The following OXR1 variants were observed in gnomAD, a reference collection of about 807,000 sequenced individuals.
The protein encoded by OXR1 is oxidation resistance protein 1.
OXR1 carries 41 observed loss-of-function variants against 104.6 expected under a neutral mutation model. The observed-to-expected ratio is 0.39, with a 90% CI of 0.31 to 0.51. The LOEUF (loss-of-function observed/expected upper bound fraction) is 0.51. Ranked by LOEUF, OXR1 falls within the 20% of genes least tolerant of loss-of-function variation. OXR1 has a pLI of 0.77. For missense variants in OXR1, 955 were observed against 1,031.9 expected, an observed-to-expected ratio of 0.93 and a Z score of 1.02; for synonymous variants, 348 against 348.4, an observed-to-expected ratio of 1.00 and a Z score of 0.01.
At chr8:106,566,698 T>C (rs1817100572) in intron 3 of OXR1, among the ~76,000 whole-genome samples, 1 of 152,134 alleles carries the variant, frequency 6.6e-6, no homozygotes, top group Admixed American at 6.5e-5. Context: ...CTATTCACAA[T>C]AGCAAACACT....
intron 3 of OXR1, among the ~76,000 whole-genome samples, chr8:106,590,754 A>G (rs1408382577): frequency 6.6e-6 from 1 of 152,200 alleles, no homozygotes; most frequent in Non-Finnish European, 1.5e-5. Flanking sequence ...TAGTAAATGC[A>G]AAAAGAACTT....
At chr8:106,456,742 C>A (rs776708302) in intron 2 of OXR1, among the ~76,000 whole-genome samples, 1 of 152,100 alleles carries the variant, frequency 6.6e-6, no homozygotes, top group African/African-American at 2.4e-5. Flanking sequence ...TCCCTCTGCC[C>A]AGCTCTTCTT....
chr8:106,299,135 G>A (rs1328819615), intron 1 of OXR1, among the ~76,000 whole-genome samples: 1 of 151,974 alleles, frequency 6.6e-6, no homozygotes, highest in Non-Finnish European at 1.5e-5. Flanking sequence ...ATCACTTTGT[G>A]TTCATCGCAG....
intron 7 of OXR1, among the ~76,000 whole-genome samples, chr8:106,693,304 T>G (rs1014772066): frequency 6.6e-6 from 1 of 152,064 alleles, no homozygotes; most frequent in Non-Finnish European, 1.5e-5. Context: ...AAAACAATCT[T>G]GTGAAATAGG....
At chr8:106,340,028 A>G (rs913563022) in intron 1 of OXR1, among the ~76,000 whole-genome samples, 4 of 152,104 alleles carry the variant, frequency 2.6e-5, no homozygotes, top group African/African-American at 9.7e-5. Flanking sequence ...ACAAAACACA[A>G]TTTTCTTAGC....
At chr8:106,450,836 C>T (rs1336045224) in intron 2 of OXR1, among the ~76,000 whole-genome samples, 8 of 151,894 alleles carry the variant, frequency 5.3e-5, no homozygotes, top group Admixed American at 6.6e-5. Context: ...TGCCTGTGCA[C>T]CTCAGAAAAG....
chr8:106,621,141 A>G (rs377341982), intron 3 of OXR1, among the ~76,000 whole-genome samples: 12 of 152,258 alleles, frequency 7.9e-5, no homozygotes, highest in African/African-American at 2.4e-4. Flanking sequence ...ATGCATGCCA[A>G]TCTCTGAGAG....
rs1815338943 is a variant in OXR1, at chr8:106,343,404, G to T, written c.-138-16072G>T. Among the ~76,000 whole-genome samples, 2 of 152,216 alleles carry T rather than the reference G, an allele frequency of 1.3e-5. 1 individual carries two copies. The highest frequency in any genetic ancestry group is 4.1e-4 in the South Asian group (2 of 4,820). The stretch of plus-strand genomic sequence containing the variant: ...TCTAGAGAATGGATCTAGGTTGAAT[G>T]ATGTCAACGGGAATTTGTTTCTCTT... On this transcript the variant is annotated intron_variant, in intron 1 of 16. Transcript: ENST00000517566.
chr8:106,377,210 G>T (rs1035037552), intron 2 of OXR1, among the ~76,000 whole-genome samples: 12 of 151,852 alleles, frequency 7.9e-5, no homozygotes, highest in African/African-American at 2.9e-4. Context: ...TTGAGACAGG[G>T]TTTCCCCCTC....
chr8:106,677,648 G>A (rs1333309688), intron 3 of OXR1, among the ~76,000 whole-genome samples: 1 of 152,002 alleles, frequency 6.6e-6, no homozygotes, highest in African/African-American at 2.4e-5. Flanking sequence ...CTTGTGAATT[G>A]TCTGATTATA....
chr8:106,349,071 G>A (rs1035721217), intron 1 of OXR1, among the ~76,000 whole-genome samples: 1 of 152,072 alleles, frequency 6.6e-6, no homozygotes, highest in Non-Finnish European at 1.5e-5. Context: ...TGTGTACCAG[G>A]AACACCAGTG....
intron 3 of OXR1, among the ~76,000 whole-genome samples, chr8:106,549,726 T>C (rs1483300521): frequency 6.6e-6 from 1 of 152,198 alleles, no homozygotes; most frequent in Non-Finnish European, 1.5e-5. Context: ...TGTATTCACA[T>C]ATGCAAGGGA....
chr8:106,467,382 G>A (rs1869307), intron 2 of OXR1, among the ~76,000 whole-genome samples: 12,040 of 151,734 alleles, frequency 0.079, 517 homozygotes, highest in Non-Finnish European at 0.088. Flanking sequence ...GGATTCATCG[G>A]GTCTCAAAGT....
chr8:106,556,704 C>G (rs1816310130), intron 3 of OXR1, among the ~76,000 whole-genome samples: 1 of 152,184 alleles, frequency 6.6e-6, no homozygotes, highest in Non-Finnish European at 1.5e-5. Flanking sequence ...CTCACTCCAG[C>G]AAAAGCTGAT....
intron 3 of OXR1, among the ~76,000 whole-genome samples, chr8:106,626,873 A>G (rs1008073595): frequency 6.6e-6 from 1 of 151,558 alleles, no homozygotes; most frequent in Non-Finnish European, 1.5e-5. Flanking sequence ...CATGATTTTA[A>G]TGTGCTCAAT....
intron 3 of OXR1, among the ~76,000 whole-genome samples, chr8:106,645,341 A>T (rs1002191983): frequency 6.6e-6 from 1 of 152,174 alleles, no homozygotes; most frequent in Non-Finnish European, 1.5e-5. Flanking sequence ...TGGTGGCTGT[A>T]TAGCCAGCTT....
At position 106,375,635 on chromosome 8, in the gene OXR1, A is replaced by G. The variant is rs79784156; in HGVS notation, c.23+15999A>G. 8.7e-3 allele frequency among the ~76,000 whole-genome samples: 1,323 copies of G among 152,314 alleles called. 13 individuals carry two copies. The highest frequency in any genetic ancestry group is 0.041 in the Middle Eastern group (12 of 294). On this transcript the variant is annotated intron_variant, in intron 2 of 16. Coordinates refer to ENST00000517566, the MANE Select transcript of OXR1 (RefSeq NM_001198533.2). ...GAAAGGGATGGGGTCATGTTACACA[A>G]TTCTGGTCCCAGGTGCTCAACAGGT...
intron 2 of OXR1, among the ~76,000 whole-genome samples, chr8:106,507,083 T>C (rs1362566696): frequency 6.6e-6 from 1 of 151,978 alleles, no homozygotes; most frequent in Non-Finnish European, 1.5e-5. Flanking sequence ...AGAGCCTGTC[T>C]CTTAAAAAAA....
At chr8:106,476,383 G>C (rs988778505) in intron 2 of OXR1, among the ~76,000 whole-genome samples, 1 of 151,916 alleles carries the variant, frequency 6.6e-6, no homozygotes, top group African/African-American at 2.4e-5. Context: ...TCGTTGTCCA[G>C]ACCTTCCTGT....
Sources: gnomAD v4.1 joint callset for allele counts (sites outside exome capture counted in the v4.1 genomes callset) on GRCh38, gnomAD v4.1.1 for gene constraint, MANE v1.5 for transcripts, NCBI Gene and HGNC (gene_info 2026-07-23, HGNC 2026-07-21) for gene names.